The following RBFOX3 variants were observed in gnomAD, a reference collection of about 807,000 sequenced individuals.
The protein encoded by RBFOX3 is RNA binding protein fox-1 homolog 3.
RBFOX3 carries 17 observed loss-of-function variants against 48.7 expected under a neutral mutation model. The ratio of observed to expected loss-of-function variants is 0.35; its 90% confidence interval spans 0.24 to 0.52. The LOEUF (loss-of-function observed/expected upper bound fraction) is 0.52, where lower values mean the gene tolerates loss of function less well. Among genes scored for constraint, RBFOX3 ranks in the 20% least tolerant of loss-of-function variants. The probability of loss-of-function intolerance (pLI) is 0.94; values close to 1 mark genes in which losing one functional copy is unlikely to be tolerated. For missense variants in RBFOX3, 382 were observed against 497.5 expected (o/e 0.77, Z 2.21); for synonymous variants, 212 against 209.5 (o/e 1.01, Z -0.10).
intron 3 of RBFOX3, among the ~76,000 whole-genome samples, chr17:79,262,026 CTGAGATTCCTTTTGAGGTT>C (rs1036359265): frequency 1.3e-5 from 2 of 152,226 alleles, no homozygotes; most frequent in African/African-American, 4.8e-5. Context: ...TTGAGTTCCT[CTGAGATTCCTTTTGAGGTT>C]TGAGATTCCT....
At chr17:79,603,231 A>G (rs1409658121) in intron 1 of RBFOX3, among the ~76,000 whole-genome samples, 1 of 152,026 alleles carries the variant, frequency 6.6e-6, no homozygotes, top group South Asian at 2.1e-4. Context: ...ACCTCAGGTG[A>G]TTCCCTGCCT....
At chr17:79,539,996 T>C (rs1350084025) in intron 1 of RBFOX3, among the ~76,000 whole-genome samples, 2 of 152,196 alleles carry the variant, frequency 1.3e-5, no homozygotes, top group African/African-American at 2.4e-5. Context: ...TCCTGTGTCT[T>C]ATCTGGCAAC....
At chr17:79,460,466 C>T (rs578100566) in intron 2 of RBFOX3, among the ~76,000 whole-genome samples, 2 of 152,168 alleles carry the variant, frequency 1.3e-5, no homozygotes, top group Non-Finnish European at 2.9e-5. Context: ...AGGCAGAGCT[C>T]GCAGGACTGT....
intron 1 of RBFOX3, among the ~76,000 whole-genome samples, chr17:79,581,631 G>A (rs978251651): frequency 1.4e-3 from 208 of 152,390 alleles, no homozygotes; most frequent in African/African-American, 4.8e-3. Context: ...CCCATTATTT[G>A]ATATGCGGGA....
the RBFOX3 span, among the ~76,000 whole-genome samples, chr17:79,619,433 C>T: frequency 4.8e-3 from 724 of 152,308 alleles, 2 homozygotes; most frequent in Non-Finnish European, 8.0e-3. Context: ...CAGGGGCAAT[C>T]CCAGGTACTC....
intron 1 of RBFOX3, among the ~76,000 whole-genome samples, chr17:79,571,856 C>T (rs1026631000): frequency 1.3e-5 from 2 of 152,044 alleles, no homozygotes; most frequent in Non-Finnish European, 1.5e-5. Flanking sequence ...CCTGTGGTGG[C>T]GACAATAGAA....
intron 4 of RBFOX3, among the ~76,000 whole-genome samples, chr17:79,197,832 C>T (rs1386533657): frequency 6.6e-6 from 1 of 152,066 alleles, no homozygotes; most frequent in Non-Finnish European, 1.5e-5. Flanking sequence ...ACGGAGAAAA[C>T]ACCAATCTAA....
At chr17:79,493,167 G>A (rs1251794114) in intron 1 of RBFOX3, among the ~76,000 whole-genome samples, 1 of 151,790 alleles carries the variant, frequency 6.6e-6, no homozygotes, top group African/African-American at 2.4e-5. Flanking sequence ...GGGGAGATGA[G>A]GGAGGCACCA....
chr17:79,276,813 A>G (rs1416889297), intron 3 of RBFOX3, among the ~76,000 whole-genome samples: 3 of 152,190 alleles, frequency 2.0e-5, no homozygotes, highest in Non-Finnish European at 4.4e-5. Context: ...GATTCAGCCA[A>G]TATACAACAG....
At chr17:79,137,470 C>T (rs1170615821) in intron 4 of RBFOX3, among the ~76,000 whole-genome samples, 1 of 152,210 alleles carries the variant, frequency 6.6e-6, no homozygotes, top group Non-Finnish European at 1.5e-5. Context: ...TTACCCGACC[C>T]CTCCACACAC....
rs1568100953 is a variant in RBFOX3 at position 79,356,364 on chromosome 17, T to TG, written c.-174-48541_-174-48540insC. On this transcript the variant is annotated intron_variant, in intron 2 of 14. Coordinates refer to ENST00000693108, the MANE Select transcript of RBFOX3 (RefSeq NM_001350451.2). ...AACAGGGAAGTTTTTTTTTTTTTTT[T>TG]TTTTTTTTTTTTTTTTTTTTTTGAG... Among the ~76,000 whole-genome samples the TG allele has an allele frequency of 4.0e-3, 369 of 91,138 alleles. 19 individuals are homozygous for TG. Among genetic ancestry groups the TG allele is most frequent in the Non-Finnish European group, 5.9e-3 (266 of 45,118 alleles). 59.8% of individuals were successfully genotyped at this position (91,138 alleles called of 152,430 possible).
chr17:79,464,125 G>A, intron 2 of RBFOX3, among the ~76,000 whole-genome samples: 1 of 152,260 alleles, frequency 6.6e-6, no homozygotes, highest in Non-Finnish European at 1.5e-5. Context: ...CCCAGACCAG[G>A]AAATCCAGAT....
At chr17:79,360,907 T>C (rs1248468470) in intron 2 of RBFOX3, among the ~76,000 whole-genome samples, 1 of 151,790 alleles carries the variant, frequency 6.6e-6, no homozygotes, top group Non-Finnish European at 1.5e-5. Flanking sequence ...TTAGTTGTGA[T>C]AAAATTGAGG....
intron 4 of RBFOX3, among the ~76,000 whole-genome samples, chr17:79,178,717 G>A (rs961584404): frequency 6.6e-6 from 1 of 152,232 alleles, no homozygotes; most frequent in Non-Finnish European, 1.5e-5. Flanking sequence ...GGTCTCACCT[G>A]TACGGATGCG....
At chr17:79,656,200 T>C in the RBFOX3 span, among the ~76,000 whole-genome samples, 1 of 152,110 alleles carries the variant, frequency 6.6e-6, no homozygotes, top group Non-Finnish European at 1.5e-5. Context: ...GGTCAGGAGG[T>C]GAATCTGTTC....
Position 79,103,047 on chromosome 17 carries a change from A to C in RBFOX3, c.507+115T>G. 17 of 755,806 alleles carry C rather than the reference A, an allele frequency of 2.2e-5. No homozygotes were observed. Among genetic ancestry groups the C allele is most frequent in the East Asian group, 2.8e-5 (1 of 35,972 alleles). The allele number at this position is 755,806 out of a possible 1,614,324, so 46.8% of individuals were successfully genotyped here. ...GCGACCCTTCCTCCCACCCCAGGGA[A>C]CCCTGGCCAGGCTCTCTGAAGGGTG... On this transcript the variant is annotated intron_variant, in intron 8 of 14. Transcript: ENST00000693108. This position sits in a 1 kb window ranked among gnomAD's most constrained non-coding sequence, Gnocchi z 6.1.
intron 1 of RBFOX3, among the ~76,000 whole-genome samples, chr17:79,501,808 G>A (rs1430355152): frequency 1.3e-5 from 2 of 152,188 alleles, no homozygotes; most frequent in African/African-American, 4.8e-5. Flanking sequence ...CCACAACTTG[G>A]AGTTATTCTT....
chr17:79,323,663 G>C (rs1463002063), intron 2 of RBFOX3, among the ~76,000 whole-genome samples: 1 of 152,162 alleles, frequency 6.6e-6, no homozygotes, highest in East Asian at 1.9e-4. Flanking sequence ...TGTCCTGTTT[G>C]ATGCTGCCAG....
chr17:79,343,640 C>T (rs965983783), intron 2 of RBFOX3, among the ~76,000 whole-genome samples: 8 of 152,182 alleles, frequency 5.3e-5, no homozygotes, highest in African/African-American at 1.4e-4. Context: ...TGGATTCTCC[C>T]GTGGATCAGG....
Sources: allele counts gnomAD v4.1 joint callset (sites outside exome capture counted in the v4.1 genomes callset), GRCh38; gene constraint gnomAD v4.1.1; non-coding constraint Gnocchi (gnomAD v3.1); transcripts MANE v1.5; gene names NCBI Gene and HGNC (gene_info 2026-07-23, HGNC 2026-07-21).